Variants in NRXN3 observed in about 807,000 individuals in gnomAD.
The protein encoded by NRXN3 is neurexin III.
In NRXN3, 32 loss-of-function variants were observed where a neutral mutation model predicts 137.6. The observed-to-expected ratio is 0.23, with a 90% CI of 0.18 to 0.31. The LOEUF is 0.31. Ranked by LOEUF, NRXN3 falls within the 10% of genes least tolerant of loss-of-function variation. The probability of loss-of-function intolerance (pLI) is 1.00; values close to 1 mark genes in which losing one functional copy is unlikely to be tolerated. For missense variants in NRXN3, 1,574 were observed against 2,062.5 expected (o/e 0.76, Z 4.59); for synonymous variants, 798 against 784.5 (o/e 1.02, Z -0.29).
intron 15 of NRXN3, among the ~76,000 whole-genome samples, chr14:79,257,388 ATGGTGG>A (rs1555899794): frequency 3.2e-5 from 1 of 31,466 alleles, no homozygotes; most frequent in Non-Finnish European, 5.8e-5. Flanking sequence ...GGTGGTGGTG[ATGGTGG>A]TGGTGGTGGT....
At chr14:78,885,186 T>C (rs557390999) in intron 10 of NRXN3, among the ~76,000 whole-genome samples, 10 of 148,568 alleles carry the variant, frequency 6.7e-5, no homozygotes, top group Non-Finnish European at 1.3e-4. Flanking sequence ...ATATACATTA[T>C]ATAAATTATG....
At chr14:79,275,330 G>A (rs1180859947) in intron 15 of NRXN3, among the ~76,000 whole-genome samples, 1 of 151,852 alleles carries the variant, frequency 6.6e-6, no homozygotes, top group African/African-American at 2.4e-5. Flanking sequence ...AAAAAAAAGG[G>A]TCTTCACCGA....
At chr14:78,184,215 G>A (rs10137891) in intron 1 of NRXN3, among the ~76,000 whole-genome samples, 123,381 of 151,774 alleles carry the variant, frequency 0.81, 50,645 homozygotes, top group Middle Eastern at 0.89. Flanking sequence ...TTTGTTTTTA[G>A]AGGAGTTCAT....
chr14:79,752,383 G>C (rs1444954061), intron 19 of NRXN3, among the ~76,000 whole-genome samples: 1 of 152,078 alleles, frequency 6.6e-6, no homozygotes, highest in Non-Finnish European at 1.5e-5. Flanking sequence ...TAGATCAATG[G>C]AACAGAACAG....
At chr14:79,034,879 T>G (rs931962270) in intron 15 of NRXN3, among the ~76,000 whole-genome samples, 3 of 152,146 alleles carry the variant, frequency 2.0e-5, no homozygotes, top group Non-Finnish European at 2.9e-5. Context: ...GAATCATTGA[T>G]GTAAACTATT....
chr14:79,328,084 G>C (rs1406046415), intron 15 of NRXN3, among the ~76,000 whole-genome samples: 1 of 151,970 alleles, frequency 6.6e-6, no homozygotes, highest in African/African-American at 2.4e-5. Flanking sequence ...ATTTACCTGT[G>C]TAACAAACCT....
chr14:79,360,673 G>A (rs1445621791), intron 15 of NRXN3, among the ~76,000 whole-genome samples: 1 of 152,086 alleles, frequency 6.6e-6, no homozygotes, highest in Admixed American at 6.5e-5. Context: ...TTTAAAAATG[G>A]TCACAAAGAT....
chr14:79,808,614 C>A (rs1227675142), intron 20 of NRXN3, among the ~76,000 whole-genome samples: 1 of 152,046 alleles, frequency 6.6e-6, no homozygotes, highest in East Asian at 1.9e-4. Context: ...TATCTTCTTT[C>A]ACTTTGCCAG....
At chr14:79,383,020 G>T (rs2094513305) in intron 15 of NRXN3, among the ~76,000 whole-genome samples, 1 of 151,880 alleles carries the variant, frequency 6.6e-6, no homozygotes, top group South Asian at 2.1e-4. Context: ...GGAGGAGGTG[G>T]TACTGGATAT....
chr14:79,580,435 GTTTT>G (rs60451542), intron 16 of NRXN3, among the ~76,000 whole-genome samples: 2 of 138,700 alleles, frequency 1.4e-5, no homozygotes, highest in South Asian at 2.3e-4. Flanking sequence ...AAAAGATTAT[GTTTT>G]TTTTTTTTTT....
chr14:79,853,777 A>C, intron 20 of NRXN3: 1 of 1,022,572 alleles, frequency 9.8e-7, no homozygotes, highest in Non-Finnish European at 1.2e-6. Flanking sequence ...AAGACAAAAA[A>C]ATATATATAT....
chr14:78,604,751 T>C (rs2097233485), intron 4 of NRXN3, among the ~76,000 whole-genome samples: 1 of 152,126 alleles, frequency 6.6e-6, no homozygotes, highest in South Asian at 2.1e-4. Context: ...TGAGATGCCA[T>C]ATAAGAATAT....
At chr14:78,268,951 TA>T (rs1247035615) in intron 2 of NRXN3, among the ~76,000 whole-genome samples, 1 of 152,230 alleles carries the variant, frequency 6.6e-6, no homozygotes, top group Admixed American at 6.5e-5. Flanking sequence ...TTTTTGACAC[TA>T]AGATCTAGCA....
intron 15 of NRXN3, among the ~76,000 whole-genome samples, chr14:79,050,646 C>T (rs1392770064): frequency 6.6e-6 from 1 of 152,158 alleles, no homozygotes; most frequent in Non-Finnish European, 1.5e-5. Flanking sequence ...ATTTCAGGGC[C>T]GGTTGTAGCT....
chr14:79,467,841 C>G (rs2096450901), intron 16 of NRXN3, among the ~76,000 whole-genome samples: 1 of 152,200 alleles, frequency 6.6e-6, no homozygotes, highest in South Asian at 2.1e-4. Flanking sequence ...GTCAGATAGT[C>G]TCTCTCAGAG....
intron 6 of NRXN3, among the ~76,000 whole-genome samples, chr14:78,694,666 G>T (rs1436626623): frequency 6.6e-6 from 1 of 151,940 alleles, no homozygotes; most frequent in Non-Finnish European, 1.5e-5. Context: ...GAAGCTTGGG[G>T]TCAAAAACCT....
intron 15 of NRXN3, among the ~76,000 whole-genome samples, chr14:79,252,052 T>C (rs1426362186): frequency 1.3e-5 from 2 of 152,168 alleles, no homozygotes; most frequent in Admixed American, 6.5e-5. Flanking sequence ...TGATAGTACC[T>C]TTATCTAGAA....
intron 1 of NRXN3, among the ~76,000 whole-genome samples, chr14:78,220,870 T>G (rs896379111): frequency 6.6e-5 from 10 of 151,624 alleles, no homozygotes; most frequent in African/African-American, 2.4e-4. Context: ...ACTAAAAACC[T>G]CAATTTTTTT....
intron 10 of NRXN3, among the ~76,000 whole-genome samples, chr14:78,917,297 G>A (rs1029215250): frequency 1.3e-5 from 2 of 152,122 alleles, no homozygotes; most frequent in African/African-American, 4.8e-5. Context: ...AAAAACACTG[G>A]GGCTTACTTC....
Sources: allele counts gnomAD v4.1 joint callset (sites outside exome capture counted in the v4.1 genomes callset), GRCh38; gene constraint gnomAD v4.1.1; transcripts MANE v1.5; gene names NCBI Gene and HGNC (gene_info 2026-07-23, HGNC 2026-07-21).